Variants in PRRG1 observed in about 807,000 individuals in gnomAD.
PRRG1 encodes the protein transmembrane gamma-carboxyglutamic acid protein 1.
In PRRG1, 5 loss-of-function variants were observed where a neutral mutation model predicts 11.8. The ratio of observed to expected loss-of-function variants is 0.42; its 90% CI spans 0.22 to 0.89. The LOEUF is 0.89. Among genes scored for constraint, PRRG1 ranks in the 40% least tolerant of loss-of-function variants. The pLI is 0.28. For synonymous variants in PRRG1, 66 were observed against 60.4 expected (o/e 1.09, Z -0.43); for missense variants, 155 against 166.1 (o/e 0.93, Z 0.37).
chrX:37,420,685 A>AG (rs1932634005), intron 2 of PRRG1, among the ~76,000 whole-genome samples: 1 of 103,500 alleles, frequency 9.7e-6, no homozygotes, highest in African/African-American at 3.8e-5. Context: ...AAAAAAAAAA[A>AG]AAGAAAAGAA....
intron 3 of PRRG1, among the ~76,000 whole-genome samples, chrX:37,439,793 CTT>C (rs36010783): frequency 4.7e-4 from 35 of 73,983 alleles, no homozygotes; most frequent in African/African-American, 1.3e-3. Context: ...CTTTAAAATT[CTT>C]TTTTTTTTTT....
chrX:37,353,283 C>T (rs1432507488), intron 1 of PRRG1, among the ~76,000 whole-genome samples: 3 of 111,765 alleles, frequency 2.7e-5, no homozygotes, highest in Admixed American at 9.5e-5. Flanking sequence ...TAGATAAAAA[C>T]TTATGGAATA....
chrX:37,391,531 G>T (rs1931534444), intron 1 of PRRG1, among the ~76,000 whole-genome samples: 1 of 111,812 alleles, frequency 8.9e-6, no homozygotes, highest in African/African-American at 3.2e-5. Flanking sequence ...GTGTGGTGGA[G>T]AAAATATTTG....
At chrX:37,447,891 T>C (rs1490866014) in intron 3 of PRRG1, among the ~76,000 whole-genome samples, 1 of 112,461 alleles carries the variant, frequency 8.9e-6, no homozygotes, top group African/African-American at 3.2e-5. Flanking sequence ...ATATACCAAA[T>C]AGTAACATAA....
chrX:37,397,982 A>G (rs1556378732), intron 1 of PRRG1, among the ~76,000 whole-genome samples: 1 of 92,849 alleles, frequency 1.1e-5, no homozygotes, highest in Non-Finnish European at 2.0e-5. Context: ...AAACTAACAC[A>G]CACACACACA....
rs1261256540 is a variant in PRRG1 at position 37,370,058 on chromosome X, T to C, written c.-42+20663T>C. On this transcript the variant is annotated intron_variant, in intron 1 of 3. Coordinates refer to ENST00000378628, the MANE Select transcript of PRRG1 (RefSeq NM_001142395.2). ...TACTCTCTGCTTCTATTAGTTCAACTTTTTTAGGTTTCATATAAATGAGAT... is the reference window on the plus strand; with the variant it reads ...TACTCTCTGCTTCTATTAGTTCAACCTTTTTAGGTTTCATATAAATGAGAT... Among the ~76,000 whole-genome samples the C allele has an allele frequency of 6.3e-5, 7 of 111,630 alleles. No individual in the cohort carries two copies. In the Admixed American group the frequency reaches 6.6e-4, roughly 11 times the overall value.
At chrX:37,385,760 C>CT (rs782500044) in intron 1 of PRRG1, among the ~76,000 whole-genome samples, 3,164 of 100,090 alleles carry the variant, frequency 0.032, 100 homozygotes, top group African/African-American at 0.093. Context: ...AGATGGCTTC[C>CT]TTTTTTTTTT....
chrX:37,388,308 C>T (rs1402483511), intron 1 of PRRG1, among the ~76,000 whole-genome samples: 1 of 112,789 alleles, frequency 8.9e-6, no homozygotes, highest in African/African-American at 3.2e-5. Flanking sequence ...GACAATGCCC[C>T]AGTGGTGACG....
At chrX:37,377,282 A>G (rs1191490518) in intron 1 of PRRG1, among the ~76,000 whole-genome samples, 1 of 111,673 alleles carries the variant, frequency 9.0e-6, no homozygotes, top group Admixed American at 9.5e-5. Flanking sequence ...TTGTTGAAAG[A>G]CGGTAGGGAA....
chrX:37,449,508 G>A (rs1921039490), intron 3 of PRRG1, among the ~76,000 whole-genome samples: 1 of 112,429 alleles, frequency 8.9e-6, no homozygotes, highest in Admixed American at 9.4e-5. Flanking sequence ...AATATTCTTT[G>A]TAAGAATCTT....
intron 1 of PRRG1, among the ~76,000 whole-genome samples, chrX:37,386,350 A>C (rs943575462): frequency 9.0e-6 from 1 of 111,598 alleles, no homozygotes; most frequent in Admixed American, 9.5e-5. Context: ...TATAATTGGC[A>C]TACATACACA....
chrX:37,377,187 AT>A (rs1372222805), intron 1 of PRRG1, among the ~76,000 whole-genome samples: 1 of 112,269 alleles, frequency 8.9e-6, no homozygotes, highest in Non-Finnish European at 1.9e-5. Context: ...TGTCCATGAT[AT>A]ACTTTGTTAG....
At chrX:37,421,934 T>TA (rs1556387155) in intron 2 of PRRG1, among the ~76,000 whole-genome samples, 1 of 112,032 alleles carries the variant, frequency 8.9e-6, no homozygotes, top group Non-Finnish European at 1.9e-5. Context: ...GCAAGTGAGA[T>TA]AAAATCTACT....
At chrX:37,372,886 A>G (rs1170433069) in intron 1 of PRRG1, among the ~76,000 whole-genome samples, 1 of 112,284 alleles carries the variant, frequency 8.9e-6, no homozygotes, top group African/African-American at 3.2e-5. Flanking sequence ...AATGTCGTGG[A>G]CCTTTTCCGT....
intron 3 of PRRG1, among the ~76,000 whole-genome samples, chrX:37,439,689 A>G (rs1418873261): frequency 9.0e-6 from 1 of 111,544 alleles, no homozygotes; most frequent in African/African-American, 3.3e-5. Flanking sequence ...AAGACACATG[A>G]CATGGTACTT....
chrX:37,366,414 T>G (rs1930572744), intron 1 of PRRG1, among the ~76,000 whole-genome samples: 1 of 112,440 alleles, frequency 8.9e-6, no homozygotes, highest in Admixed American at 9.4e-5. Flanking sequence ...GAGATGGCTC[T>G]TCAACAGCAC....
intron 3 of PRRG1, among the ~76,000 whole-genome samples, chrX:37,434,089 A>C (rs782132011): frequency 8.9e-6 from 1 of 112,194 alleles, no homozygotes; most frequent in Non-Finnish European, 1.9e-5. Flanking sequence ...CTTTTAGACT[A>C]TCTTTACTAT....
intron 3 of PRRG1, among the ~76,000 whole-genome samples, chrX:37,431,039 C>A (rs903407572): frequency 8.9e-6 from 1 of 112,058 alleles, no homozygotes. Context: ...TTAGAGTCAG[C>A]ATAATGCTCT....
At chrX:37,428,892 A>T (rs1932799512) in intron 3 of PRRG1, among the ~76,000 whole-genome samples, 1 of 112,758 alleles carries the variant, frequency 8.9e-6, no homozygotes, top group African/African-American at 3.2e-5. Context: ...CTAGGCAGGG[A>T]TTCCCAAACC....
Sources: allele counts gnomAD v4.1 joint callset (sites outside exome capture counted in the v4.1 genomes callset), GRCh38; gene constraint gnomAD v4.1.1; transcripts MANE v1.5; gene names NCBI Gene and HGNC (gene_info 2026-07-23, HGNC 2026-07-21).